SCN10A: variants seen among roughly 807,000 people sequenced by gnomAD.
SCN10A encodes the protein sodium channel protein type 10 subunit alpha.
Under a neutral mutation model 170.7 loss-of-function variants are expected in SCN10A, and 162 were observed. The observed-to-expected ratio is 0.95, with a 90% CI of 0.84 to 1.08. SCN10A has a LOEUF of 1.08. Among genes scored for constraint, SCN10A ranks in the 50% least tolerant of loss-of-function variants. The probability of loss-of-function intolerance (pLI) is 0.00; values close to 1 mark genes in which losing one functional copy is unlikely to be tolerated. For missense variants in SCN10A, 2,527 were observed against 2,436.9 expected (o/e 1.04, Z -0.78); for synonymous variants, 985 against 904.6 (o/e 1.09, Z -1.59).
rs189736165 is a variant in SCN10A, at chr3:38,792,934, T to C, written c.271-766A>G. Among the ~76,000 whole-genome samples the C allele has an allele frequency of 2.9e-3, 443 of 152,200 alleles. 2 individuals are homozygous for C. Among genetic ancestry groups the C allele is most frequent in the South Asian group, 0.013 (61 of 4,820 alleles). On this transcript the variant is annotated intron_variant, in intron 2 of 27. Transcript: ENST00000449082. Reference sequence around the variant, plus strand: ...TACCTTTTTGTTTATGCCAGATATATGTATATCATATTAGAAATTAATATA... The same window carrying C: ...TACCTTTTTGTTTATGCCAGATATACGTATATCATATTAGAAATTAATATA...
chr3:38,729,556 C>T (rs1234881665), intron 15 of SCN10A, among the ~76,000 whole-genome samples: 1 of 152,188 alleles, frequency 6.6e-6, no homozygotes, highest in African/African-American at 2.4e-5. Context: ...GGTGTGTGGG[C>T]TCTTGCTCTC....
intron 13 of SCN10A, among the ~76,000 whole-genome samples, chr3:38,749,166 T>A (rs1475721730): frequency 6.6e-6 from 1 of 152,192 alleles, no homozygotes; most frequent in Non-Finnish European, 1.5e-5. Flanking sequence ...CTCAAACATT[T>A]TTTTGGTTTC....
At chr3:38,810,765 C>A (rs1485103057) in intron 1 of SCN10A, among the ~76,000 whole-genome samples, 1 of 152,174 alleles carries the variant, frequency 6.6e-6, no homozygotes, top group African/African-American at 2.4e-5. Context: ...ATAGCACATA[C>A]CCCAAGCAGG....
chr3:38,697,909 G>C lies in SCN10A; in HGVS notation c.5311C>G (p.Leu1771Val). Residue 1771 changes from leucine (L) to valine (V), a missense_variant, in exon 28 of 28, where the codon CTC becomes GTC. Coordinates refer to ENST00000449082, the MANE Select transcript of SCN10A (RefSeq NM_006514.4). The stretch of plus-strand genomic sequence containing the variant: ...TTTGGGATTCTCAGGGGACCAGAGA[G>C]AGTGTCTGCAAAGTCCGAGAGAGCA... ...FSALSDFADT[L>V]SGPLRIPKPN... 6.2e-7 allele frequency: 1 copy of C among 1,614,128 alleles called. No homozygotes were observed. The highest frequency in any genetic ancestry group is 1.6e-4 in the Middle Eastern group (1 of 6,062).
At chr3:38,757,390 G>T (rs1226698897) in intron 8 of SCN10A, among the ~76,000 whole-genome samples, 1 of 152,192 alleles carries the variant, frequency 6.6e-6, no homozygotes, top group East Asian at 1.9e-4. Flanking sequence ...GGAGTGGCCT[G>T]GGGAAGGCAG....
chr3:38,746,100 T>TA (rs71085336), intron 13 of SCN10A, among the ~76,000 whole-genome samples: 4 of 99,816 alleles, frequency 4.0e-5, no homozygotes, highest in African/African-American at 1.1e-4. Context: ...TATATATATA[T>TA]GCCATCTTTG....
At chr3:38,703,707 C>T (rs1465488083) in intron 26 of SCN10A, among the ~76,000 whole-genome samples, 2 of 152,232 alleles carry the variant, frequency 1.3e-5, no homozygotes, top group Non-Finnish European at 2.9e-5. Context: ...AACTTTTAGA[C>T]ATCAGAGTTC....
chr3:38,712,102 C>A (rs376057473), intron 23 of SCN10A, 59 bp downstream of exon 23: 1 of 1,552,396 alleles, frequency 6.4e-7, no homozygotes, highest in Non-Finnish European at 8.8e-7. Context: ...GGAACCTAGA[C>A]TCTCCATTTT....
intron 1 of SCN10A, among the ~76,000 whole-genome samples, chr3:38,814,680 C>T (rs962625891): frequency 1.3e-5 from 2 of 152,148 alleles, no homozygotes; most frequent in Non-Finnish European, 2.9e-5. Flanking sequence ...CAAAAACATG[C>T]TAATGTTTCA....
chr3:38,736,975 T>TTTTG (rs1467971626), intron 15 of SCN10A, among the ~76,000 whole-genome samples: 2 of 105,190 alleles, frequency 1.9e-5, no homozygotes, highest in South Asian at 3.4e-4. Context: ...TTTTTTTTTT[T>TTTTG]TTTTTTTTTT....
intron 25 of SCN10A, 72 bp from the exon 26 acceptor site, chr3:38,707,455 A>G (rs755934945): frequency 2.1e-5 from 32 of 1,491,506 alleles, no homozygotes; most frequent in Non-Finnish European, 3.0e-5. Flanking sequence ...AACAGGCAGG[A>G]GAGAAAGGAT....
intron 13 of SCN10A, among the ~76,000 whole-genome samples, chr3:38,744,765 G>C (rs2063669739): frequency 6.6e-6 from 1 of 151,926 alleles, no homozygotes; most frequent in Non-Finnish European, 1.5e-5. Context: ...ATTACTTATT[G>C]AATAATTTTT....
rs1203934747 is a variant in SCN10A at position 38,752,210 on chromosome 3, C to A, written c.1755+9G>T. ...AGCCTGAGGGAGTCTGAAGCATTCA[C>A]AAACTCACCGAGACATCGACAGCTC... is the stretch of plus-strand genomic sequence containing the variant. On this transcript the variant is annotated intron_variant, in intron 12 of 27. Coordinates refer to ENST00000449082, the MANE Select transcript of SCN10A (RefSeq NM_006514.4). The A allele has an allele frequency of 6.7e-7, 1 of 1,501,220 alleles. No individual in the cohort carries two copies. Among genetic ancestry groups the A allele is most frequent in the Non-Finnish European group, 8.9e-7 (1 of 1,124,112 alleles). 93.0% of individuals were successfully genotyped at this position (1,501,220 alleles called of 1,614,324 possible).
intron 4 of SCN10A, among the ~76,000 whole-genome samples, chr3:38,779,977 T>C (rs576118666): frequency 6.6e-6 from 1 of 152,060 alleles, no homozygotes; most frequent in African/African-American, 2.4e-5. Flanking sequence ...GCATTTTCTA[T>C]TGTTAGGGAA....
intron 27 of SCN10A, 24 bp downstream of exon 27, chr3:38,701,815 C>T (rs776996732): frequency 1.6e-5 from 26 of 1,576,758 alleles, no homozygotes; most frequent in Non-Finnish European, 2.2e-5. Context: ...GTGGGGCTTC[C>T]CCACCACGTG....
At chr3:38,813,771 A>G (rs899972058) in intron 1 of SCN10A, among the ~76,000 whole-genome samples, 5 of 152,254 alleles carry the variant, frequency 3.3e-5, no homozygotes, top group African/African-American at 1.2e-4. Context: ...AAGATGGACC[A>G]AAGTGACATT....
At chr3:38,703,871 G>A (rs2063182855) in intron 26 of SCN10A, among the ~76,000 whole-genome samples, 1 of 152,194 alleles carries the variant, frequency 6.6e-6, no homozygotes, top group Admixed American at 6.5e-5. Flanking sequence ...AACTTTGTCT[G>A]TCTTGCTCAC....
At chr3:38,763,828 GT>G (rs1451333707) in intron 5 of SCN10A, among the ~76,000 whole-genome samples, 1 of 152,224 alleles carries the variant, frequency 6.6e-6, no homozygotes, top group Non-Finnish European at 1.5e-5. Flanking sequence ...AACACTGCAT[GT>G]GGACGGATCT....
intron 4 of SCN10A, among the ~76,000 whole-genome samples, chr3:38,781,448 C>T (rs114596106): frequency 0.018 from 2,715 of 152,200 alleles, 72 homozygotes; most frequent in African/African-American, 0.062. Context: ...CCACAACAAC[C>T]GACTGCATGT....
Sources: gnomAD v4.1 joint callset for allele counts (sites outside exome capture counted in the v4.1 genomes callset) on GRCh38, gnomAD v4.1.1 for gene constraint, MANE v1.5 for transcripts, NCBI Gene and HGNC (gene_info 2026-07-23, HGNC 2026-07-21) for gene names.